Variants in NTM observed in about 807,000 individuals in gnomAD.
NTM encodes IgLON family member 2.
In NTM, 13 loss-of-function variants were observed where a neutral mutation model predicts 42.1. That is an observed-to-expected ratio of 0.31 (90% CI 0.20 to 0.49). The LOEUF (loss-of-function observed/expected upper bound fraction) is 0.49, where lower values mean the gene tolerates loss of function less well. Ranked by LOEUF, NTM falls within the 20% of genes least tolerant of loss-of-function variation. NTM has a pLI of 0.99. For synonymous variants in NTM, 187 were observed against 179.2 expected (o/e 1.04, Z -0.35); for missense variants, 373 against 452.8 (o/e 0.82, Z 1.60).
At chr11:132,232,272 A>T (rs1295237947) in intron 4 of NTM, among the ~76,000 whole-genome samples, 1 of 152,068 alleles carries the variant, frequency 6.6e-6, no homozygotes, top group Non-Finnish European at 1.5e-5. Flanking sequence ...TCACCATCTG[A>T]TGATATATAC....
At chr11:131,726,084 C>T (rs2078933522) in intron 1 of NTM, among the ~76,000 whole-genome samples, 1 of 152,018 alleles carries the variant, frequency 6.6e-6, no homozygotes, top group South Asian at 2.1e-4. Flanking sequence ...GGTTTGAGGC[C>T]CCAAAGAAAA....
chr11:132,169,163 C>T (rs2075738141), intron 3 of NTM, among the ~76,000 whole-genome samples: 1 of 151,960 alleles, frequency 6.6e-6, no homozygotes, highest in Admixed American at 6.6e-5. Flanking sequence ...TTTTCTCTTA[C>T]TGTCTCTTCT....
At chr11:131,374,151 G>A (rs1054888103) in intron 1 of NTM, among the ~76,000 whole-genome samples, 2 of 152,236 alleles carry the variant, frequency 1.3e-5, no homozygotes, top group East Asian at 1.9e-4. Context: ...AAGCATGGCA[G>A]TAAGGGGAGG....
intron 4 of NTM, among the ~76,000 whole-genome samples, chr11:132,261,955 A>G (rs2092884990): frequency 6.6e-6 from 1 of 152,250 alleles, no homozygotes; most frequent in Non-Finnish European, 1.5e-5. Flanking sequence ...ATGGGCATCC[A>G]TTAAGGAGGC....
chr11:132,308,359 A>C (rs1224603337), intron 5 of NTM, among the ~76,000 whole-genome samples: 1 of 152,206 alleles, frequency 6.6e-6, no homozygotes, highest in Non-Finnish European at 1.5e-5. Context: ...TGTAACAATA[A>C]ATTTGCTTGT....
chr11:131,659,892 TAAG>T (rs2067734562), intron 1 of NTM, among the ~76,000 whole-genome samples: 2 of 152,154 alleles, frequency 1.3e-5, no homozygotes, highest in African/African-American at 4.8e-5. Flanking sequence ...CTGAAACCTT[TAAG>T]AAGAGTCTAA....
intron 2 of NTM, among the ~76,000 whole-genome samples, chr11:132,135,273 A>G (rs887444140): frequency 6.6e-6 from 1 of 152,198 alleles, no homozygotes; most frequent in Non-Finnish European, 1.5e-5. Flanking sequence ...GCCTGCTCCC[A>G]GTGCCTGACT....
chr11:132,151,275 C>A (rs1053228231), intron 3 of NTM, among the ~76,000 whole-genome samples: 1 of 152,150 alleles, frequency 6.6e-6, no homozygotes, highest in Non-Finnish European at 1.5e-5. Context: ...AATTGTTTGG[C>A]AAGTTAAGGA....
At position 131,783,338 on chromosome 11, in the gene NTM, G is replaced by T. The variant is rs143074394; in HGVS notation, c.83-128226G>T. 5.2e-3 allele frequency among the ~76,000 whole-genome samples: 790 copies of T among 152,214 alleles called. 9 individuals are homozygous for T. Among genetic ancestry groups the T allele is most frequent in the African/African-American group, 0.017 (717 of 41,554 alleles). On this transcript the variant is annotated intron_variant, in intron 1 of 8. Transcript: ENST00000683400. ...ATATAAAGGAAATCTCAATAAAAAA[G>T]AAGAGACAGTGCGCCATATCCATGG...
At chr11:132,172,390 C>A (rs532084318) in intron 3 of NTM, among the ~76,000 whole-genome samples, 1 of 152,244 alleles carries the variant, frequency 6.6e-6, no homozygotes, top group South Asian at 2.1e-4. Flanking sequence ...TGGACATATC[C>A]ATTGCCAAGG....
intron 1 of NTM, among the ~76,000 whole-genome samples, chr11:131,762,556 T>A (rs1390345844): frequency 6.6e-6 from 1 of 152,226 alleles, no homozygotes; most frequent in Middle Eastern, 3.2e-3. Flanking sequence ...AGCCGGGCAG[T>A]CTGCTCCAGC....
At chr11:132,134,976 T>G (rs925335505) in intron 2 of NTM, among the ~76,000 whole-genome samples, 2 of 151,854 alleles carry the variant, frequency 1.3e-5, no homozygotes, top group Non-Finnish European at 2.9e-5. Context: ...TGGTTGTATT[T>G]TTATTATTTT....
At chr11:131,755,420 C>A (rs767044111) in intron 1 of NTM, among the ~76,000 whole-genome samples, 1 of 152,066 alleles carries the variant, frequency 6.6e-6, no homozygotes, top group Non-Finnish European at 1.5e-5. Context: ...GAAGCTTGGG[C>A]TCAAGACATT....
intron 3 of NTM, among the ~76,000 whole-genome samples, chr11:132,153,923 A>G (rs997176731): frequency 6.6e-6 from 1 of 152,216 alleles, no homozygotes; most frequent in Non-Finnish European, 1.5e-5. Flanking sequence ...TACCTGCAAG[A>G]TTAGACAAAA....
intron 2 of NTM, among the ~76,000 whole-genome samples, chr11:131,930,389 A>G (rs7120871): frequency 0.065 from 9,818 of 152,044 alleles, 1,047 homozygotes; most frequent in African/African-American, 0.22. Flanking sequence ...ACTGGGCCCA[A>G]CTCATGCCCT....
chr11:131,904,847 G>T (rs1465287411), intron 1 of NTM, among the ~76,000 whole-genome samples: 1 of 152,170 alleles, frequency 6.6e-6, no homozygotes, highest in East Asian at 1.9e-4. Context: ...CAGTGGGGTG[G>T]GAGCTGGGGG....
chr11:131,832,804 A>C (rs1055087727), intron 1 of NTM, among the ~76,000 whole-genome samples: 1 of 152,240 alleles, frequency 6.6e-6, no homozygotes, highest in Admixed American at 6.5e-5. Context: ...ATATGTATGC[A>C]CATAAACACA....
intron 3 of NTM, among the ~76,000 whole-genome samples, chr11:132,190,693 T>A (rs937086812): frequency 7.4e-5 from 11 of 148,718 alleles, no homozygotes; most frequent in Non-Finnish European, 1.5e-4. Context: ...GCCAAGATCA[T>A]GCCACTTTAC....
intron 1 of NTM, among the ~76,000 whole-genome samples, chr11:131,472,240 A>G (rs79609745): frequency 6.6e-6 from 1 of 152,142 alleles, no homozygotes; most frequent in African/African-American, 2.4e-5. Flanking sequence ...TACACTGGGT[A>G]TCCCCCCTGC....
Sources: allele counts gnomAD v4.1 joint callset (sites outside exome capture counted in the v4.1 genomes callset), GRCh38; gene constraint gnomAD v4.1.1; transcripts MANE v1.5; gene names NCBI Gene and HGNC (gene_info 2026-07-23, HGNC 2026-07-21).